PLCL2: variants seen among roughly 807,000 people sequenced by gnomAD.
PLCL2 encodes the protein phospholipase C like 2.
PLCL2 carries 4 observed loss-of-function variants against 79.6 expected under a neutral mutation model. That is an observed-to-expected ratio of 0.05 (90% CI 0.02 to 0.11). PLCL2 has a LOEUF of 0.11. PLCL2 is among the 10% of genes least tolerant of loss of function. The pLI is 1.00. For synonymous variants in PLCL2, 484 were observed against 457.7 expected, an observed-to-expected ratio of 1.06 and a Z score of -0.73; for missense variants, 895 against 1,291.0, an observed-to-expected ratio of 0.69 and a Z score of 4.70.
At chr3:16,905,606 A>G (rs187609530) in intron 1 of PLCL2, among the ~76,000 whole-genome samples, 2 of 152,230 alleles carry the variant, frequency 1.3e-5, no homozygotes, top group Non-Finnish European at 2.9e-5. Flanking sequence ...ATTTCCAATG[A>G]TGAAATTGTA....
intron 1 of PLCL2, among the ~76,000 whole-genome samples, chr3:16,943,647 G>A (rs61335218): frequency 0.028 from 4,265 of 152,112 alleles, 200 homozygotes; most frequent in African/African-American, 0.095. Context: ...TAACATATGT[G>A]TTTTTAAAAG....
At chr3:16,979,022 A>G (rs940117633) in intron 1 of PLCL2, among the ~76,000 whole-genome samples, 1 of 152,216 alleles carries the variant, frequency 6.6e-6, no homozygotes, top group East Asian at 1.9e-4. Flanking sequence ...CATTCACAGC[A>G]CCAGCAATTT....
At chr3:17,082,582 C>T (rs1006730092) in intron 5 of PLCL2, among the ~76,000 whole-genome samples, 1 of 152,110 alleles carries the variant, frequency 6.6e-6, no homozygotes, top group Non-Finnish European at 1.5e-5. Flanking sequence ...CTTTGTGTCT[C>T]GCCTTGGTAA....
chr3:16,927,101 T>C (rs1222685537), intron 1 of PLCL2, among the ~76,000 whole-genome samples: 3 of 152,236 alleles, frequency 2.0e-5, no homozygotes, highest in African/African-American at 7.2e-5. Flanking sequence ...CAGACTAATT[T>C]TTTTTATAGC....
chr3:16,886,178 G>T lies in PLCL2; in HGVS notation c.327+812G>T, dbSNP rs1228186429. On this transcript the variant is annotated intron_variant, in intron 1 of 5. Coordinates refer to ENST00000615277, the MANE Select transcript of PLCL2 (RefSeq NM_001144382.2). This position sits in a 1 kb window ranked among gnomAD's most constrained non-coding sequence, Gnocchi z 4.2. Reference sequence around the variant, plus strand: ...TCATTCTAATGTTACATTTTGGTTCGCAATGTAAAAATATTTTTCATGACA... The same window carrying T: ...TCATTCTAATGTTACATTTTGGTTCTCAATGTAAAAATATTTTTCATGACA... Among the ~76,000 whole-genome samples, 2 of 152,056 alleles carry T rather than the reference G, an allele frequency of 1.3e-5. No homozygotes were observed. The highest frequency in any genetic ancestry group is 6.6e-5 in the Admixed American group (1 of 15,256).
At chr3:16,974,697 C>T (rs1167021322) in intron 1 of PLCL2, among the ~76,000 whole-genome samples, 1 of 152,198 alleles carries the variant, frequency 6.6e-6, no homozygotes, top group African/African-American at 2.4e-5. Context: ...ATGTCTCTTG[C>T]TGCCACCATT....
intron 3 of PLCL2, 46 bp from the exon 4 acceptor site, chr3:17,042,828 A>T (rs2064739313): frequency 7.7e-7 from 1 of 1,298,962 alleles, no homozygotes; most frequent in East Asian, 2.3e-5. Context: ...GCAGGAGGGG[A>T]TCTAGTTGTC....
intron 1 of PLCL2, among the ~76,000 whole-genome samples, chr3:16,912,928 G>C (rs1048140165): frequency 1.1e-4 from 16 of 152,074 alleles, no homozygotes; most frequent in African/African-American, 3.9e-4. Flanking sequence ...CTGGTACCAG[G>C]CTCCTGTCTC....
At chr3:17,004,146 T>C (rs978669248) in intron 1 of PLCL2, among the ~76,000 whole-genome samples, 1 of 152,208 alleles carries the variant, frequency 6.6e-6, no homozygotes, top group African/African-American at 2.4e-5. Flanking sequence ...CCTTGGTTTC[T>C]GTGTGACCGT....
chr3:16,897,520 G>A (rs1292549601), intron 1 of PLCL2, among the ~76,000 whole-genome samples: 2 of 152,196 alleles, frequency 1.3e-5, no homozygotes, highest in Admixed American at 6.5e-5. Flanking sequence ...TTTGGCAGAG[G>A]CACTAGCACT....
Position 17,009,077 on chromosome 3 carries a change from C to T in PLCL2, c.328-597C>T, listed in dbSNP as rs539618117. ...TCAGCTCACTGCAACCTTTGCCTCA[C>T]GGATTCAAACGATTCTCCTGCCTCA... On this transcript the variant is annotated intron_variant, in intron 1 of 5. Transcript: ENST00000615277. This position sits in a 1 kb window ranked among gnomAD's most constrained non-coding sequence, Gnocchi z 4.0. Among the ~76,000 whole-genome samples, 26 of 152,022 alleles carry T rather than the reference C, an allele frequency of 1.7e-4. No homozygotes were observed. In the East Asian group the frequency reaches 2.3e-3, roughly 14 times the overall value.
intron 5 of PLCL2, among the ~76,000 whole-genome samples, chr3:17,071,115 C>T (rs1487812577): frequency 6.6e-6 from 1 of 152,156 alleles, no homozygotes; most frequent in African/African-American, 2.4e-5. Context: ...AAAAGCTTTC[C>T]TGATGCATCA....
At position 17,011,802 on chromosome 3, in the gene PLCL2, T is replaced by C. The variant is rs1390105534; in HGVS notation, c.2456T>C (p.Ile819Thr). The change falls in exon 2 of 6, where the codon ATC becomes ACC. Residue 819 changes from isoleucine (I) to threonine (T), a missense_variant. By Grantham distance (89) the Ile-to-Thr change is moderately conservative. Coordinates refer to ENST00000615277, the MANE Select transcript of PLCL2 (RefSeq NM_001144382.2). The surrounding 1 kb of genome is among the most constrained non-coding windows in gnomAD (Gnocchi z 7.9). ...TTTGATGAAAGCTTTGAATTTCAAA[T>C]CAACCTGCCTGAACTGGCCATGGTG... ...PIFDESFEFQINLPELAMVRF... is the reference protein window; with the variant it reads ...PIFDESFEFQTNLPELAMVRF... The C allele has an allele frequency of 3.1e-6, 5 of 1,614,222 alleles. No homozygotes were observed. Among genetic ancestry groups the C allele is most frequent in the Non-Finnish European group, 4.2e-6 (5 of 1,180,032 alleles).
At chr3:16,939,312 A>T (rs1264619096) in intron 1 of PLCL2, among the ~76,000 whole-genome samples, 1 of 152,226 alleles carries the variant, frequency 6.6e-6, no homozygotes, top group Non-Finnish European at 1.5e-5. Context: ...GTGCATTATT[A>T]TCTTTAAATG....
chr3:16,952,180 G>C (rs541692726), intron 1 of PLCL2, among the ~76,000 whole-genome samples: 75 of 151,782 alleles, frequency 4.9e-4, no homozygotes, highest in African/African-American at 1.6e-3. Context: ...GGCCTGTCGT[G>C]GGGTGGGAGA....
intron 3 of PLCL2, among the ~76,000 whole-genome samples, chr3:17,033,209 C>T (rs1369949741): frequency 6.6e-6 from 1 of 152,152 alleles, no homozygotes; most frequent in Non-Finnish European, 1.5e-5. Context: ...GAATAGCTAG[C>T]TTCCTACATG....
intron 3 of PLCL2, among the ~76,000 whole-genome samples, chr3:17,040,139 C>T (rs1428625392): frequency 6.6e-6 from 1 of 152,082 alleles, no homozygotes; most frequent in Non-Finnish European, 1.5e-5. Flanking sequence ...TATATATATA[C>T]TTTAAGTTCT....
At chr3:17,007,668 G>A (rs902693709) in intron 1 of PLCL2, among the ~76,000 whole-genome samples, 1 of 152,224 alleles carries the variant, frequency 6.6e-6, no homozygotes, top group Non-Finnish European at 1.5e-5. Context: ...GCTTTTGGAA[G>A]TATAGGTAGT....
chr3:17,037,142 A>G (rs1337925560), intron 3 of PLCL2, among the ~76,000 whole-genome samples: 1 of 152,202 alleles, frequency 6.6e-6, no homozygotes, highest in African/African-American at 2.4e-5. Context: ...ATCCATGATC[A>G]CATTTACTGT....
Sources: gnomAD v4.1 joint callset for allele counts (sites outside exome capture counted in the v4.1 genomes callset) on GRCh38, gnomAD v4.1.1 for gene constraint, Gnocchi (gnomAD v3.1) non-coding constraint, MANE v1.5 for transcripts, NCBI Gene and HGNC (gene_info 2026-07-23, HGNC 2026-07-21) for gene names.